Variants in CFAP92 observed in about 807,000 individuals in gnomAD.
The protein encoded by CFAP92 is cilia and flagella associated protein 92 (putative).
In CFAP92, 86 loss-of-function variants were observed where a neutral mutation model predicts 106.3. The observed-to-expected ratio is 0.81, with a 90% CI of 0.68 to 0.97. The LOEUF (loss-of-function observed/expected upper bound fraction) is 0.97. Among genes scored for constraint, CFAP92 ranks in the 50% least tolerant of loss-of-function variants. The pLI is 0.00. For synonymous variants in CFAP92, 477 were observed against 506.4 expected (o/e 0.94, Z 0.78); for missense variants, 1,204 against 1,283.8 (o/e 0.94, Z 0.95).
intron 2 of CFAP92, among the ~76,000 whole-genome samples, chr3:128,990,271 A>G (rs558653364): frequency 1.0e-3 from 157 of 152,332 alleles, no homozygotes; most frequent in South Asian, 6.4e-3. Context: ...CCCAGGCAGG[A>G]GGATGATCTG....
At chr3:128,912,894 A>G (rs766056324) in intron 15 of CFAP92, 45 of 585,204 alleles carry the variant, frequency 7.7e-5, no homozygotes, top group Middle Eastern at 9.5e-4. Context: ...AGGAGACACC[A>G]TAGTGGAAAC....
Position 128,956,352 on chromosome 3 carries a change from T to C in CFAP92, c.1353+9159A>G, listed in dbSNP as rs897560691. ...AACAAAAGAACTAATATTCATGTCA[T>C]TGGAGTTTCAGAAGGAGAGGAGAAA... On this transcript the variant is annotated intron_variant, in intron 9 of 15. Coordinates refer to ENST00000645291, the MANE Select transcript of CFAP92 (RefSeq NM_001394090.1). 7.2e-5 allele frequency among the ~76,000 whole-genome samples: 11 copies of C among 151,960 alleles called. No individual in the cohort carries two copies. The East Asian group carries it at 7.7e-4, about 11-fold the overall frequency.
chr3:128,962,900 TC>T (rs1942056144), intron 9 of CFAP92, among the ~76,000 whole-genome samples: 2 of 152,308 alleles, frequency 1.3e-5, no homozygotes, highest in African/African-American at 4.8e-5. Flanking sequence ...CCATATACTC[TC>T]CTATCCTCAA....
chr3:129,013,630 A>G, the CFAP92 span, among the ~76,000 whole-genome samples: 24,930 of 152,076 alleles, frequency 0.16, 6,062 homozygotes, highest in African/African-American at 0.53. Context: ...CATAGGCCAC[A>G]CCCATCCTGG....
At chr3:128,928,077 C>T (rs1297605767) in intron 12 of CFAP92, among the ~76,000 whole-genome samples, 2 of 152,014 alleles carry the variant, frequency 1.3e-5, no homozygotes, top group African/African-American at 4.8e-5. Context: ...ATGGTGAAAC[C>T]CCGTCTCTAC....
At chr3:128,959,054 T>C (rs1941665665) in intron 9 of CFAP92, among the ~76,000 whole-genome samples, 1 of 151,438 alleles carries the variant, frequency 6.6e-6, no homozygotes, top group African/African-American at 2.4e-5. Context: ...CTACTAAAAA[T>C]ACAAAATTAG....
chr3:128,982,862 G>C (rs1943616631), intron 4 of CFAP92, among the ~76,000 whole-genome samples: 1 of 152,162 alleles, frequency 6.6e-6, no homozygotes, highest in Non-Finnish European at 1.5e-5. Flanking sequence ...TATCAGTTAA[G>C]TTCACCGTTT....
rs1430936121 is a variant in CFAP92, at chr3:128,971,399, G to A, written c.1056C>T (p.Ile352=). The change falls in exon 8 of 16, where the codon ATC becomes ATT. Residue 352 remains isoleucine, a synonymous_variant. Transcript: ENST00000645291. ...KGKDSEGRRK[I]QRRHKKPLAE... Reference sequence around the variant, plus strand: ...CCAGGGGCTTCTTATGTCTCCTCTGGATTTTCCTTCTTCCCTCTGAATCTT... The same window carrying A: ...CCAGGGGCTTCTTATGTCTCCTCTGAATTTTCCTTCTTCCCTCTGAATCTT... 1.2e-6 allele frequency: 2 copies of A among 1,612,344 alleles called. No homozygotes were observed. The highest frequency in any genetic ancestry group is 1.7e-6 in the Non-Finnish European group (2 of 1,179,234).
At chr3:129,020,872 C>T in the CFAP92 span, among the ~76,000 whole-genome samples, 6 of 152,170 alleles carry the variant, frequency 3.9e-5, no homozygotes, top group African/African-American at 1.4e-4. Context: ...GGGGCATGGT[C>T]CAGTGTGCTG....
chr3:129,010,523 G>T, the CFAP92 span, among the ~76,000 whole-genome samples: 1 of 152,084 alleles, frequency 6.6e-6, no homozygotes, highest in African/African-American at 2.4e-5. The surrounding 1 kb of genome is among the most constrained non-coding windows in gnomAD (Gnocchi z 4.3). Context: ...GGTGGGAGAG[G>T]GAGGGAGGAG....
At chr3:128,980,366 CAAAAA>C (rs71153158) in intron 4 of CFAP92, among the ~76,000 whole-genome samples, 12 of 100,698 alleles carry the variant, frequency 1.2e-4, no homozygotes, top group Admixed American at 2.1e-4. Flanking sequence ...GACCCTGTCT[CAAAAA>C]AAAAAAAAAA....
intron 9 of CFAP92, among the ~76,000 whole-genome samples, chr3:128,951,667 T>G (rs1347472850): frequency 6.6e-6 from 1 of 151,902 alleles, no homozygotes; most frequent in Non-Finnish European, 1.5e-5. Flanking sequence ...CCAAGAAAAG[T>G]CTGCTTTCTC....
At chr3:128,978,442 T>TC in intron 4 of CFAP92, 1 of 295,766 alleles carries the variant, frequency 3.4e-6, no homozygotes, top group Non-Finnish European at 6.2e-6. Context: ...AAATACCTTA[T>TC]TGGGGCCAGA....
intron 15 of CFAP92, chr3:128,912,807 A>G: frequency 1.4e-6 from 1 of 725,804 alleles, no homozygotes; most frequent in Non-Finnish European, 2.5e-6. Context: ...TAACAGGACC[A>G]TCACAGCTTC....
intron 5 of CFAP92, 89 bp from the exon 6 acceptor site, chr3:128,977,155 G>A: frequency 1.0e-6 from 1 of 975,664 alleles, no homozygotes; most frequent in South Asian, 1.3e-5. Context: ...TGTAATGTCA[G>A]TCTCTATGCA....
intron 1 of CFAP92, among the ~76,000 whole-genome samples, chr3:128,999,720 A>G (rs1330121013): frequency 2.0e-5 from 3 of 148,082 alleles, no homozygotes; most frequent in Admixed American, 2.0e-4. Flanking sequence ...TGGTATTTTT[A>G]GTAGAGATGG....
At chr3:128,971,556 TTC>T (rs1183870405) in intron 7 of CFAP92, 123 bp from the exon 8 acceptor site, 1 of 810,986 alleles carries the variant, frequency 1.2e-6, no homozygotes, top group Non-Finnish European at 1.9e-6. Context: ...GCAGGGGTTA[TTC>T]TTTGTGTGAC....
chr3:128,992,193 G>C (rs1169992012), intron 2 of CFAP92, among the ~76,000 whole-genome samples: 1 of 152,174 alleles, frequency 6.6e-6, no homozygotes, highest in Non-Finnish European at 1.5e-5. Context: ...GTTTGGGTTT[G>C]TTGCACCGCA....
Position 128,971,245 on chromosome 3 carries a change from A to G in CFAP92, c.1168+42T>C, listed in dbSNP as rs544110786. ...TCCGCTTATGGCCGTTCTGGCCACA[A>G]GACAAGCAGGAGCTGCTGGGAACAG... On this transcript the variant is annotated intron_variant, in intron 8 of 15. Transcript: ENST00000645291. 2.2e-5 allele frequency: 36 copies of G among 1,613,210 alleles called. No homozygotes were observed. In the South Asian group the frequency reaches 3.6e-4, roughly 16 times the overall value.
Sources: gnomAD v4.1 joint callset for allele counts (sites outside exome capture counted in the v4.1 genomes callset) on GRCh38, gnomAD v4.1.1 for gene constraint, Gnocchi (gnomAD v3.1) non-coding constraint, MANE v1.5 for transcripts, NCBI Gene and HGNC (gene_info 2026-07-23, HGNC 2026-07-21) for gene names.